XIRP2: variants seen among roughly 807,000 people sequenced by gnomAD.
XIRP2 encodes the protein xin actin binding repeat containing 2, also known as xin actin-binding repeat-containing protein 2.
XIRP2 carries 236 observed loss-of-function variants against 277.0 expected under a neutral mutation model. The ratio of observed to expected loss-of-function variants is 0.85; its 90% CI spans 0.77 to 0.95. The LOEUF is 0.95. Among genes scored for constraint, XIRP2 ranks in the 40% least tolerant of loss-of-function variants. XIRP2 has a pLI of 0.00. For missense variants in XIRP2, 4,640 were observed against 4,157.5 expected (o/e 1.12, Z -3.19); for synonymous variants, 1,490 against 1,416.5 (o/e 1.05, Z -1.17).
chr2:167,241,141 T>A (rs1483462165), intron 7 of XIRP2, among the ~76,000 whole-genome samples: 2 of 148,774 alleles, frequency 1.3e-5, no homozygotes, highest in African/African-American at 2.4e-5. Flanking sequence ...AGATATGAGA[T>A]TAGACTACAG....
At chr2:167,227,364 G>C (rs1694634594) in intron 5 of XIRP2, among the ~76,000 whole-genome samples, 1 of 152,102 alleles carries the variant, frequency 6.6e-6, no homozygotes, top group Admixed American at 6.6e-5. Flanking sequence ...GCTGGTGGTA[G>C]ACTATATTGA....
At chr2:167,001,919 T>G (rs1221213139) in intron 2 of XIRP2, among the ~76,000 whole-genome samples, 6 of 152,132 alleles carry the variant, frequency 3.9e-5, no homozygotes, top group Non-Finnish European at 8.8e-5. Context: ...CTCATTTAGC[T>G]TTTTATTTCA....
intron 2 of XIRP2, among the ~76,000 whole-genome samples, chr2:167,134,230 T>A (rs1170145727): frequency 1.3e-5 from 2 of 151,160 alleles, no homozygotes; most frequent in African/African-American, 2.4e-5. Context: ...CATGTGTATA[T>A]GTATATTATA....
intron 3 of XIRP2, among the ~76,000 whole-genome samples, chr2:167,170,894 C>CTTTT (rs773187641): frequency 1.3e-3 from 123 of 92,680 alleles, no homozygotes; most frequent in Middle Eastern, 8.3e-3. Flanking sequence ...TGCCTTTCTT[C>CTTTT]TTTTTTTTTT....
intron 3 of XIRP2, among the ~76,000 whole-genome samples, chr2:167,207,873 G>T (rs1426244106): frequency 2.6e-5 from 4 of 152,030 alleles, no homozygotes; most frequent in African/African-American, 7.2e-5. Flanking sequence ...ATAATAGATT[G>T]TATTTTTTAG....
At chr2:167,101,114 A>G (rs2105286019) in intron 2 of XIRP2, among the ~76,000 whole-genome samples, 1 of 152,282 alleles carries the variant, frequency 6.6e-6, no homozygotes, top group East Asian at 1.9e-4. Context: ...TTCTAATTCT[A>G]AAAGTGTAAT....
chr2:167,168,576 G>A (rs1692588793), intron 3 of XIRP2, among the ~76,000 whole-genome samples: 2 of 152,018 alleles, frequency 1.3e-5, no homozygotes, highest in East Asian at 1.9e-4. Context: ...TGCATCTCTA[G>A]CATTCCTTTT....
chr2:166,899,823 A>G (rs958643370), intron 1 of XIRP2, among the ~76,000 whole-genome samples: 68 of 152,128 alleles, frequency 4.5e-4, no homozygotes, highest in African/African-American at 1.5e-3. Flanking sequence ...AAACTGACAC[A>G]GGTATGTTGC....
intron 2 of XIRP2, among the ~76,000 whole-genome samples, chr2:166,959,559 T>C (rs1376280910): frequency 6.6e-6 from 1 of 151,828 alleles, no homozygotes; most frequent in South Asian, 2.1e-4. Flanking sequence ...GAAAACAGTA[T>C]ATAGGCAACC....
chr2:166,977,616 A>G (rs546270928), intron 2 of XIRP2, among the ~76,000 whole-genome samples: 14 of 152,320 alleles, frequency 9.2e-5, no homozygotes, highest in African/African-American at 2.9e-4. Flanking sequence ...AACAATGAAG[A>G]GATTTAAACT....
intron 2 of XIRP2, among the ~76,000 whole-genome samples, chr2:167,085,095 C>A (rs1014997850): frequency 1.5e-4 from 21 of 141,870 alleles, no homozygotes; most frequent in African/African-American, 5.0e-4. Flanking sequence ...TATAAATTTC[C>A]CTCTACACAC....
intron 2 of XIRP2, among the ~76,000 whole-genome samples, chr2:167,085,618 T>G (rs1388693729): frequency 6.6e-6 from 1 of 152,150 alleles, no homozygotes; most frequent in East Asian, 1.9e-4. Flanking sequence ...TTTATGAATC[T>G]GGGTGCTCCT....
chr2:166,951,164 T>C (rs1477635023), intron 2 of XIRP2, among the ~76,000 whole-genome samples: 3 of 152,044 alleles, frequency 2.0e-5, no homozygotes, highest in African/African-American at 7.2e-5. Context: ...CATTTAAGCA[T>C]TCATAATGTC....
chr2:167,212,833 A>T (rs2105392012), intron 4 of XIRP2, among the ~76,000 whole-genome samples: 1 of 152,152 alleles, frequency 6.6e-6, no homozygotes, highest in Non-Finnish European at 1.5e-5. Context: ...TAAATATCTA[A>T]AGCAAAGCAA....
intron 2 of XIRP2, among the ~76,000 whole-genome samples, chr2:166,943,398 C>G (rs1685772966): frequency 6.6e-6 from 1 of 152,202 alleles, no homozygotes; most frequent in Non-Finnish European, 1.5e-5. Context: ...TCTCCTTGTT[C>G]TGAGCAGAGG....
intron 2 of XIRP2, among the ~76,000 whole-genome samples, chr2:167,033,003 A>G (rs1688409277): frequency 6.6e-6 from 1 of 152,200 alleles, no homozygotes; most frequent in Non-Finnish European, 1.5e-5. Context: ...ACATGTGTTT[A>G]CTGCAGCACT....
At chr2:167,108,775 T>C (rs1031537109) in intron 2 of XIRP2, among the ~76,000 whole-genome samples, 3 of 151,334 alleles carry the variant, frequency 2.0e-5, no homozygotes. Flanking sequence ...AAATGTATAC[T>C]CTTTAAAAAT....
intron 2 of XIRP2, among the ~76,000 whole-genome samples, chr2:167,098,612 G>C (rs772044443): frequency 6.6e-6 from 1 of 152,210 alleles, no homozygotes; most frequent in Non-Finnish European, 1.5e-5. Flanking sequence ...TCCTTTGGAG[G>C]AGAAGAGGCA....
intron 3 of XIRP2, among the ~76,000 whole-genome samples, chr2:167,201,230 GAAAGAAAGA>G (rs1693691208): frequency 1.9e-5 from 2 of 102,638 alleles, no homozygotes; most frequent in African/African-American, 1.2e-4. Flanking sequence ...AAGAAAGAAA[GAAAGAAAGA>G]AAGAAAGAAA....
Sources: allele counts gnomAD v4.1 joint callset (sites outside exome capture counted in the v4.1 genomes callset), GRCh38; gene constraint gnomAD v4.1.1; transcripts MANE v1.5; gene names NCBI Gene and HGNC (gene_info 2026-07-23, HGNC 2026-07-21).